The following NKPD1 variants were observed in gnomAD, a reference collection of about 807,000 sequenced individuals.
NKPD1 encodes NTPase KAP family P-loop domain-containing protein 1.
Under a neutral mutation model 42.2 loss-of-function variants are expected in NKPD1, and 37 were observed. The observed-to-expected ratio is 0.88, with a 90% CI of 0.67 to 1.15. NKPD1 has a LOEUF of 1.15. NKPD1 is among the 50% of genes most tolerant of loss of function. NKPD1 has a pLI of 0.00. For missense variants in NKPD1, 1,113 were observed against 1,174.6 expected (o/e 0.95, Z 0.77); for synonymous variants, 552 against 536.5 (o/e 1.03, Z -0.40).
At chr19:45,156,437 G>A (rs973418685) in intron 3 of NKPD1, among the ~76,000 whole-genome samples, 2 of 152,166 alleles carry the variant, frequency 1.3e-5, no homozygotes, top group South Asian at 2.1e-4. Context: ...CTGAGCCCAG[G>A]GTTGGGAGAG....
rs900514268 is a variant in NKPD1, at chr19:45,150,336, T to A, written c.*1602A>T. On this transcript the variant is annotated 3_prime_UTR_variant, in exon 5 of 5. Coordinates refer to ENST00000686631, the MANE Select transcript of NKPD1 (RefSeq NM_198478.4). Reference sequence around the variant, plus strand: ...AGCTTCTTACTGAGGCATGGGGGGCTTCAGTCCTGCCCTCACCTCCAGCCA... The same window carrying A: ...AGCTTCTTACTGAGGCATGGGGGGCATCAGTCCTGCCCTCACCTCCAGCCA... 6.6e-6 allele frequency: 1 copy of A among 152,094 alleles called. No individual in the cohort carries two copies. Among genetic ancestry groups the A allele is most frequent in the Non-Finnish European group, 1.5e-5 (1 of 68,032 alleles). 9.4% of individuals were successfully genotyped at this position (152,094 alleles called of 1,614,324 possible).
chr19:45,161,226 G>T (rs140769774), upstream of NKPD1, among the ~76,000 whole-genome samples: 9 of 152,062 alleles, frequency 5.9e-5, no homozygotes, highest in Admixed American at 2.6e-4. Context: ...CTGCTGGTGT[G>T]GGGGGGACAG....
rs762093290 is a variant in NKPD1, at chr19:45,152,291, C to A, written c.2146G>T (p.Gly716Cys). ...AAGCGCTCGAAGAGCTCGGGGTCGC[C>A]GTCCAGGTCGAGCACGTTCTGCAAC... ...KALQNVLDLD[G>C]DPELFERFLG... The change falls in exon 5 of 5, where the codon GGC (glycine) becomes TGC (cysteine). Residue 716 changes from glycine to cysteine, a missense_variant. Gly to Cys is a radical substitution (Grantham distance 159, BLOSUM62 -3). Around this residue, in one of 3 missense-constraint regions of NKPD1, gnomAD observed 867 missense variants for 870.1 expected, o/e 1.00. Coordinates refer to ENST00000686631, the MANE Select transcript of NKPD1 (RefSeq NM_198478.4). 2 of 1,610,730 alleles carry A rather than the reference C, an allele frequency of 1.2e-6. No individual in the cohort carries two copies. Among genetic ancestry groups the A allele is most frequent in the East Asian group, 2.2e-5 (1 of 44,770 alleles).
intron 1 of NKPD1, among the ~76,000 whole-genome samples, 85 bp from the exon 2 acceptor site, chr19:45,160,306 C>G (rs1443107972): frequency 6.6e-6 from 1 of 152,162 alleles, no homozygotes. Flanking sequence ...GTCCCAGATG[C>G]TGGGTTCCTA....
intron 4 of NKPD1, 104 bp from the exon 5 acceptor site, chr19:45,153,879 C>T (rs1968852265): frequency 5.9e-6 from 7 of 1,195,028 alleles, no homozygotes; most frequent in Non-Finnish European, 7.6e-6. Flanking sequence ...GAGGGGCGCC[C>T]AGCAGAGGCG....
At chr19:45,157,411 A>G (rs1348320427) in intron 3 of NKPD1, among the ~76,000 whole-genome samples, 3 of 152,136 alleles carry the variant, frequency 2.0e-5, no homozygotes, top group African/African-American at 7.2e-5. Context: ...TGTGGTTGTT[A>G]CCGAGTGGCA....
Position 45,158,572 on chromosome 19 carries a change from T to C in NKPD1, c.529+91A>G, listed in dbSNP as rs1392045021. On this transcript the variant is annotated intron_variant, in intron 3 of 4. Coordinates refer to ENST00000686631, the MANE Select transcript of NKPD1 (RefSeq NM_198478.4). The surrounding 1 kb of genome is among the most constrained non-coding windows in gnomAD (Gnocchi z 4.6). ...ACAGGGTGTGGATGAAGAGGGCAGG[T>C]GCAAGATGCTAGGCAGGGAGCAAGG... The C allele has an allele frequency of 8.9e-7, 1 of 1,125,484 alleles. No homozygotes were observed. Among genetic ancestry groups the C allele is most frequent in the Admixed American group, 4.8e-5 (1 of 20,970 alleles). 69.7% of individuals were successfully genotyped at this position (1,125,484 alleles called of 1,614,324 possible). A position where few individuals can be genotyped will look rare whatever the true frequency, so the allele number is the denominator to read the frequency against.
chr19:45,154,793 G>A (rs950927098), intron 4 of NKPD1, among the ~76,000 whole-genome samples: 3 of 152,110 alleles, frequency 2.0e-5, no homozygotes, highest in Non-Finnish European at 2.9e-5. Context: ...GGGAGGCCGA[G>A]GTGGGCGGAT....
intron 2 of NKPD1, among the ~76,000 whole-genome samples, chr19:45,159,621 G>A (rs1968969829): frequency 6.6e-6 from 1 of 152,092 alleles, no homozygotes; most frequent in Non-Finnish European, 1.5e-5. Context: ...TAGCCCTGAG[G>A]AGGCTGAATC....
chr19:45,155,698 G>A, intron 4 of NKPD1, 87 bp downstream of exon 4: 1 of 1,218,536 alleles, frequency 8.2e-7, no homozygotes, highest in Non-Finnish European at 1.1e-6. Context: ...CACAGGGGTG[G>A]GGGGATCTGG....
rs935114696 is a variant in NKPD1 at position 45,149,994 on chromosome 19, G to A, written c.*1944C>T. 6.6e-6 allele frequency: 1 copy of A among 152,218 alleles called. No homozygotes were observed. Among genetic ancestry groups the A allele is most frequent in the African/African-American group, 2.4e-5 (1 of 41,444 alleles). 9.4% of individuals were successfully genotyped at this position (152,218 alleles called of 1,614,324 possible). On this transcript the variant is annotated 3_prime_UTR_variant, in exon 5 of 5. Coordinates refer to ENST00000686631, the MANE Select transcript of NKPD1 (RefSeq NM_198478.4). ...GTGCTCCTTTTTTGTTCGTGACAAC[G>A]GTCCCGTGGCTTTACACAGGTGCAA...
chr19:45,152,585 TGTC>T lies in NKPD1; in HGVS notation c.1849_1851del (p.Asp617del). The T allele has an allele frequency of 6.3e-7, 1 of 1,585,894 alleles. No homozygotes were observed. Among genetic ancestry groups the T allele is most frequent in the Non-Finnish European group, 8.5e-7 (1 of 1,175,314 alleles). ...ACGATGCGCCGCATGGACACCACGT[TGTC>T]GGGCACGTACTCGTAGAGGCAGTCG... On this transcript the variant is annotated inframe_deletion, in exon 5 of 5. Transcript: ENST00000686631.
Position 45,151,771 on chromosome 19 carries a change from C to G in NKPD1, c.*167G>C, listed in dbSNP as rs1968781542. ...TCTCATGCTGGCACCGGCTTGTGGC[C>G]GCACTCCTTGGAAGCTATGTCCACG... On this transcript the variant is annotated 3_prime_UTR_variant, in exon 5 of 5. Coordinates refer to ENST00000686631, the MANE Select transcript of NKPD1 (RefSeq NM_198478.4). 1 of 660,872 alleles carries G rather than the reference C, an allele frequency of 1.5e-6. No homozygotes were observed. 40.9% of individuals were successfully genotyped at this position (660,872 alleles called of 1,614,324 possible). A position where few individuals can be genotyped will look rare whatever the true frequency, so the allele number is the denominator to read the frequency against.
Position 45,153,123 on chromosome 19 carries a change from G to T in NKPD1, c.1314C>A (p.Thr438=). The change falls in exon 5 of 5, where the codon ACC becomes ACA. Residue 438 remains threonine (T), a synonymous_variant. Coordinates refer to ENST00000686631, the MANE Select transcript of NKPD1 (RefSeq NM_198478.4). ...AGATCTCCAGGAAGCACAGGAAGTCGGTGAGCAGCTCCACCTCCTTCTTCA... is the reference window on the plus strand; with the variant it reads ...AGATCTCCAGGAAGCACAGGAAGTCTGTGAGCAGCTCCACCTCCTTCTTCA... ...CEVKKEVELL[T]DFLCFLEIYQ... 6.3e-7 allele frequency: 1 copy of T among 1,575,888 alleles called. No individual in the cohort carries two copies.
rs967808414 is a variant in NKPD1 at position 45,158,762 on chromosome 19, G to A, written c.430C>T (p.Pro144Ser). The change falls in exon 3 of 5, where the codon CCC (proline) becomes TCC (serine). Residue 144 changes from proline to serine, a missense_variant. This residue lies in a region of NKPD1 where 204 missense variants were observed against 227.8 expected (regional missense o/e 0.90). Transcript: ENST00000686631. The surrounding 1 kb of genome is among the most constrained non-coding windows in gnomAD (Gnocchi z 4.6). ...PAMARSGPAL[P>S]SAAGVLLKPS... ...TTCAGGAGGACGCCAGCCGCGGAGG[G>A]TAGAGCTGGGCCACTCCTGGCCATG... 1.9e-5 allele frequency: 24 copies of A among 1,231,512 alleles called. No homozygotes were observed. Among genetic ancestry groups the A allele is most frequent in the Non-Finnish European group, 2.4e-5 (23 of 955,564 alleles). The allele number at this position is 1,231,512 out of a possible 1,614,324, so 76.3% of individuals were successfully genotyped here.
rs191567664 is a variant in NKPD1 at position 45,151,309 on chromosome 19, G to C, written c.*629C>G. 3.4e-4 allele frequency: 51 copies of C among 152,142 alleles called. No homozygotes were observed. The highest frequency in any genetic ancestry group is 1.2e-3 in the African/African-American group (50 of 41,298). The allele number at this position is 152,142 out of a possible 1,614,324, so 9.4% of individuals were successfully genotyped here. A position where few individuals can be genotyped will look rare whatever the true frequency, so the allele number is the denominator to read the frequency against. On this transcript the variant is annotated 3_prime_UTR_variant, in exon 5 of 5. Coordinates refer to ENST00000686631, the MANE Select transcript of NKPD1 (RefSeq NM_198478.4). Reference sequence around the variant, plus strand: ...CCCACTCCAGCTGGCTGAGGTGCCAGCGAGGTCTAACCCATTACGTTGAGA... The same window carrying C: ...CCCACTCCAGCTGGCTGAGGTGCCACCGAGGTCTAACCCATTACGTTGAGA...
intron 3 of NKPD1, among the ~76,000 whole-genome samples, chr19:45,157,107 G>A (rs992052538): frequency 6.6e-6 from 1 of 152,208 alleles, no homozygotes; most frequent in African/African-American, 2.4e-5. Flanking sequence ...CGCCACCCCG[G>A]CAAGGCTGCC....
chr19:45,150,258 C>T lies in NKPD1; in HGVS notation c.*1680G>A, dbSNP rs1466715138. 1 of 152,062 alleles carries T rather than the reference C, an allele frequency of 6.6e-6. No individual in the cohort carries two copies. Among genetic ancestry groups the T allele is most frequent in the African/African-American group, 2.4e-5 (1 of 41,384 alleles). 9.4% of individuals were successfully genotyped at this position (152,062 alleles called of 1,614,324 possible). A position where few individuals can be genotyped will look rare whatever the true frequency, so the allele number is the denominator to read the frequency against. ...GCATGCACCACCATGCCCAGCTAAT[C>T]TTTTTGTATTTTTATTAGAGACAGG... is the stretch of plus-strand genomic sequence containing the variant. On this transcript the variant is annotated 3_prime_UTR_variant, in exon 5 of 5. Coordinates refer to ENST00000686631, the MANE Select transcript of NKPD1 (RefSeq NM_198478.4).
rs762093290 is a variant in NKPD1, at chr19:45,152,291, C to T, written c.2146G>A (p.Gly716Ser). The change falls in exon 5 of 5, where the codon GGC (glycine) becomes AGC (serine). Residue 716 changes from glycine (G) to serine (S), a missense_variant. Physicochemically the swap from Gly to Ser is moderately conservative, Grantham distance 56. Around this residue, in one of 3 missense-constraint regions of NKPD1, gnomAD observed 867 missense variants for 870.1 expected, o/e 1.00. Transcript: ENST00000686631. ...AAGCGCTCGAAGAGCTCGGGGTCGC[C>T]GTCCAGGTCGAGCACGTTCTGCAAC... ...KALQNVLDLD[G>S]DPELFERFLG... 2.5e-6 allele frequency: 4 copies of T among 1,610,614 alleles called. No individual in the cohort carries two copies. Among genetic ancestry groups the T allele is most frequent in the Admixed American group, 1.7e-5 (1 of 59,868 alleles).
Sources: gnomAD v4.1 joint callset for allele counts (sites outside exome capture counted in the v4.1 genomes callset) on GRCh38, gnomAD v4.1.1 for gene constraint, gnomAD v4.1.1 regional missense constraint, Gnocchi (gnomAD v3.1) non-coding constraint, MANE v1.5 for transcripts, NCBI Gene and HGNC (gene_info 2026-07-23, HGNC 2026-07-21) for gene names.